The following PDE4B variants were observed in gnomAD, a reference collection of about 807,000 sequenced individuals.
PDE4B encodes the protein 3',5'-cyclic-AMP phosphodiesterase 4B.
PDE4B carries 20 observed loss-of-function variants against 82.2 expected under a neutral mutation model. That is an observed-to-expected ratio of 0.24 (90% CI 0.17 to 0.35). The LOEUF (loss-of-function observed/expected upper bound fraction) is 0.35. PDE4B is among the 10% of genes least tolerant of loss of function. The probability of loss-of-function intolerance (pLI) is 1.00; values close to 1 mark genes in which losing one functional copy is unlikely to be tolerated. For synonymous variants in PDE4B, 320 were observed against 318.9 expected (o/e 1.00, Z -0.04); for missense variants, 655 against 907.2 (o/e 0.72, Z 3.57).
At chr1:66,347,624 G>A (rs891836105) in intron 8 of PDE4B, among the ~76,000 whole-genome samples, 2 of 152,164 alleles carry the variant, frequency 1.3e-5, no homozygotes, top group Non-Finnish European at 2.9e-5. Flanking sequence ...CTGAGAAATC[G>A]CTAATCTAGA....
intron 1 of PDE4B, among the ~76,000 whole-genome samples, chr1:65,874,321 A>C (rs1409480506): frequency 1.3e-5 from 2 of 152,120 alleles, no homozygotes; most frequent in African/African-American, 4.8e-5. Flanking sequence ...TTTTGGGCTG[A>C]GACAATGGGG....
At chr1:65,805,132 G>A (rs923077124) in intron 1 of PDE4B, among the ~76,000 whole-genome samples, 21 of 151,910 alleles carry the variant, frequency 1.4e-4, no homozygotes, top group Admixed American at 6.6e-5. Flanking sequence ...GCCTGGATAA[G>A]TTTTATATTT....
At chr1:66,106,645 C>T (rs1051197664) in intron 3 of PDE4B, among the ~76,000 whole-genome samples, 12 of 151,978 alleles carry the variant, frequency 7.9e-5, no homozygotes, top group African/African-American at 2.9e-4. Flanking sequence ...AGAGATTCAA[C>T]TTCTTCCTGG....
At chr1:66,189,048 A>G (rs1462299888) in intron 3 of PDE4B, among the ~76,000 whole-genome samples, 1 of 109,826 alleles carries the variant, frequency 9.1e-6, no homozygotes, top group Non-Finnish European at 2.0e-5. Flanking sequence ...AAAATCTCTC[A>G]GCATTTGCTT....
At chr1:65,887,038 T>G (rs1351453906) in intron 1 of PDE4B, among the ~76,000 whole-genome samples, 1 of 152,136 alleles carries the variant, frequency 6.6e-6, no homozygotes, top group Admixed American at 6.6e-5. Flanking sequence ...ATCTGCTATT[T>G]TTTTTGTTTT....
intron 3 of PDE4B, among the ~76,000 whole-genome samples, chr1:66,103,814 C>T (rs1450415191): frequency 6.6e-6 from 1 of 152,088 alleles, no homozygotes; most frequent in Non-Finnish European, 1.5e-5. Flanking sequence ...TCTTTTTATA[C>T]TGAATCATAT....
rs1653582451 is a variant in PDE4B at position 66,028,547 on chromosome 1, T to C, written c.281+109712T>C. Among the ~76,000 whole-genome samples, 3 of 152,194 alleles carry C rather than the reference T, an allele frequency of 2.0e-5. No homozygotes were observed. In the South Asian group the frequency reaches 6.2e-4, roughly 31 times the overall value. ...AATTTCTCCCCAGAAAATGGGTTTT[T>C]CTTTTCTATTGCATAGTCAGGCTGC... On this transcript the variant is annotated intron_variant, in intron 3 of 16. Coordinates refer to ENST00000341517, the MANE Select transcript of PDE4B (RefSeq NM_002600.4).
At chr1:66,280,599 G>T (rs1656223427) in intron 7 of PDE4B, among the ~76,000 whole-genome samples, 1 of 152,118 alleles carries the variant, frequency 6.6e-6, no homozygotes, top group African/African-American at 2.4e-5. Context: ...AATCCAATTT[G>T]CCAGGTTATC....
At chr1:66,082,381 G>A (rs1232562865) in intron 3 of PDE4B, among the ~76,000 whole-genome samples, 1 of 151,996 alleles carries the variant, frequency 6.6e-6, no homozygotes, top group East Asian at 1.9e-4. Context: ...TGAAGTACAA[G>A]GTATAAAAAA....
intron 3 of PDE4B, among the ~76,000 whole-genome samples, chr1:66,022,903 C>G (rs1653218554): frequency 6.6e-6 from 1 of 152,066 alleles, no homozygotes; most frequent in Non-Finnish European, 1.5e-5. Context: ...CTCTTTGTAC[C>G]TCTGGTGGAT....
intron 9 of PDE4B, among the ~76,000 whole-genome samples, chr1:66,358,674 C>CAAA (rs11433160): frequency 2.7e-5 from 3 of 112,604 alleles, no homozygotes; most frequent in South Asian, 2.9e-4. Context: ...AACTCTGTCT[C>CAAA]AAAAAAAAAA....
intron 3 of PDE4B, among the ~76,000 whole-genome samples, chr1:66,199,711 T>C (rs1301895098): frequency 6.6e-6 from 1 of 151,988 alleles, no homozygotes; most frequent in Non-Finnish European, 1.5e-5. Flanking sequence ...AAGTAGGAGA[T>C]TCACAAATAT....
At chr1:66,044,220 A>G (rs1654558292) in intron 3 of PDE4B, among the ~76,000 whole-genome samples, 1 of 151,754 alleles carries the variant, frequency 6.6e-6, no homozygotes, top group African/African-American at 2.4e-5. Flanking sequence ...TGTTTTAAAC[A>G]TACTGCTTTC....
intron 1 of PDE4B, among the ~76,000 whole-genome samples, chr1:65,822,482 T>C (rs764772773): frequency 4.6e-5 from 7 of 152,212 alleles, no homozygotes; most frequent in Non-Finnish European, 8.8e-5. Flanking sequence ...TGGTGCTTCA[T>C]ATCTCTGTCT....
chr1:66,145,528 G>A lies in PDE4B; in HGVS notation c.282-101932G>A, dbSNP rs556225002. 6.6e-5 allele frequency among the ~76,000 whole-genome samples: 10 copies of A among 152,234 alleles called. No individual in the cohort carries two copies. In the East Asian group the frequency reaches 1.9e-3, roughly 29 times the overall value. Reference sequence around the variant, plus strand: ...CTATGGGCTCTTATGGGCTCCAAAAGCCAAAACATAGGCCTTTTCTGGGGA... The same window carrying A: ...CTATGGGCTCTTATGGGCTCCAAAAACCAAAACATAGGCCTTTTCTGGGGA... On this transcript the variant is annotated intron_variant, in intron 3 of 16. Transcript: ENST00000341517.
intron 3 of PDE4B, among the ~76,000 whole-genome samples, chr1:66,148,696 A>G (rs982490214): frequency 5.3e-5 from 8 of 152,084 alleles, no homozygotes; most frequent in Admixed American, 3.9e-4. Flanking sequence ...GGCAATACTA[A>G]TCTATTTTCT....
At chr1:66,113,116 C>T (rs922483284) in intron 3 of PDE4B, among the ~76,000 whole-genome samples, 10 of 152,182 alleles carry the variant, frequency 6.6e-5, no homozygotes, top group African/African-American at 2.2e-4. Flanking sequence ...GTGCGAATTG[C>T]ATCCAAAAAG....
At chr1:66,046,383 A>C (rs1358871292) in intron 3 of PDE4B, 16 of 151,846 alleles carry the variant, frequency 1.1e-4, no homozygotes, top group Non-Finnish European at 1.5e-5. Context: ...AACCTCACAA[A>C]ATTGAGAAAA....
chr1:66,371,155 A>G (rs1434735743), intron 16 of PDE4B, among the ~76,000 whole-genome samples: 1 of 142,396 alleles, frequency 7.0e-6, no homozygotes, highest in African/African-American at 2.5e-5. Context: ...TGAAAGAATC[A>G]CATATGACCA....
Sources: gnomAD v4.1 joint callset for allele counts (sites outside exome capture counted in the v4.1 genomes callset) on GRCh38, gnomAD v4.1.1 for gene constraint, MANE v1.5 for transcripts, NCBI Gene and HGNC (gene_info 2026-07-23, HGNC 2026-07-21) for gene names.